The following DOCK5 variants were observed in gnomAD, a reference collection of about 807,000 sequenced individuals.
DOCK5 encodes the protein dedicator of cytokinesis protein 5.
A neutral mutation model predicts 251.8 loss-of-function variants in DOCK5; 142 were observed. The observed-to-expected ratio is 0.56, with a 90% CI of 0.49 to 0.65. DOCK5 has a LOEUF of 0.65. DOCK5 is among the 30% of genes least tolerant of loss of function. The pLI, the probability that DOCK5 is intolerant of heterozygous loss-of-function variation, is 0.00. For missense variants in DOCK5, 2,111 were observed against 2,312.3 expected, an observed-to-expected ratio of 0.91 and a Z score of 1.79; for synonymous variants, 842 against 835.5, an observed-to-expected ratio of 1.01 and a Z score of -0.13.
chr8:25,328,172 C>T (rs537649931), intron 18 of DOCK5, among the ~76,000 whole-genome samples: 1 of 152,020 alleles, frequency 6.6e-6, no homozygotes, highest in East Asian at 1.9e-4. Context: ...ACACTGTATG[C>T]TTTATTTTGT....
intron 27 of DOCK5, among the ~76,000 whole-genome samples, chr8:25,354,418 C>T (rs1035423439): frequency 6.6e-6 from 1 of 152,110 alleles, no homozygotes; most frequent in Non-Finnish European, 1.5e-5. Flanking sequence ...TCCTGAGCTC[C>T]TTTTAGGAAT....
chr8:25,406,193 C>T (rs571483736), intron 48 of DOCK5, among the ~76,000 whole-genome samples: 6 of 152,172 alleles, frequency 3.9e-5, no homozygotes, highest in South Asian at 2.1e-4. Context: ...CTCCTGACCT[C>T]GTGATTCGCC....
At chr8:25,203,118 C>A (rs1029162765) in intron 1 of DOCK5, among the ~76,000 whole-genome samples, 1 of 152,166 alleles carries the variant, frequency 6.6e-6, no homozygotes, top group Non-Finnish European at 1.5e-5. Context: ...TCTTGGCCAG[C>A]CATTTCTGGT....
chr8:25,343,871 A>G (rs1329113820), intron 25 of DOCK5, among the ~76,000 whole-genome samples: 1 of 152,158 alleles, frequency 6.6e-6, no homozygotes, highest in Non-Finnish European at 1.5e-5. Context: ...AGCAGCATGA[A>G]CTTGGCTCAC....
At chr8:25,315,149 T>TTTTTTTTTTTTTTTTTTA in intron 13 of DOCK5, among the ~76,000 whole-genome samples, 1 of 140,292 alleles carries the variant, frequency 7.1e-6, no homozygotes, top group Non-Finnish European at 1.6e-5. Flanking sequence ...ATTCTTAATT[T>TTTTTTTTTTTTTTTTTTA]GCCCACCGGC....
At chr8:25,192,270 C>T (rs1229678194) in intron 1 of DOCK5, among the ~76,000 whole-genome samples, 1 of 152,098 alleles carries the variant, frequency 6.6e-6, no homozygotes, top group Non-Finnish European at 1.5e-5. Flanking sequence ...ACTTATAATC[C>T]TTTGGGTATA....
chr8:25,239,735 C>A (rs1417022488), intron 1 of DOCK5, among the ~76,000 whole-genome samples: 1 of 152,142 alleles, frequency 6.6e-6, no homozygotes, highest in Non-Finnish European at 1.5e-5. Context: ...GGGAATTACT[C>A]CTACTTCTGA....
At chr8:25,247,499 A>G (rs1296838353) in intron 2 of DOCK5, among the ~76,000 whole-genome samples, 1 of 152,092 alleles carries the variant, frequency 6.6e-6, no homozygotes, top group Non-Finnish European at 1.5e-5. Flanking sequence ...TGGGAGGCTA[A>G]GGTGGGAGGA....
chr8:25,380,491 GT>G (rs1469398987), intron 39 of DOCK5, 97 bp downstream of exon 39: 5 of 1,036,584 alleles, frequency 4.8e-6, no homozygotes, highest in Non-Finnish European at 7.1e-6. Context: ...GATGAATGGT[GT>G]TTTTTTACAA....
In DOCK5 at chr8:25,245,347, C is replaced by T. The variant is rs545571059; in HGVS notation, c.127+1590C>T. On this transcript the variant is annotated intron_variant, in intron 2 of 51. Coordinates refer to ENST00000276440, the MANE Select transcript of DOCK5 (RefSeq NM_024940.8). ...CTGGGATTACAGGTGTGAGTCACTG[C>T]GCCCGGCCTACAGCTCTTCCAGTCT... Among the ~76,000 whole-genome samples, 39 of 152,208 alleles carry T rather than the reference C, an allele frequency of 2.6e-4. No homozygotes were observed. In the East Asian group the frequency reaches 4.3e-3, roughly 17 times the overall value.
At chr8:25,258,123 G>A (rs1287280544) in intron 2 of DOCK5, among the ~76,000 whole-genome samples, 3 of 152,100 alleles carry the variant, frequency 2.0e-5, no homozygotes, top group Admixed American at 6.6e-5. Context: ...AGGGCTCTGT[G>A]AAGGCACAGA....
intron 37 of DOCK5, chr8:25,376,156 G>C: frequency 1.0e-6 from 1 of 982,536 alleles, no homozygotes; most frequent in Non-Finnish European, 1.2e-6. Context: ...AGTGAGGCTT[G>C]TTGACTGTGG....
chr8:25,201,860 A>T (rs929258676), intron 1 of DOCK5, among the ~76,000 whole-genome samples: 1 of 152,216 alleles, frequency 6.6e-6, no homozygotes, highest in East Asian at 1.9e-4. Flanking sequence ...CTTTGTTTGC[A>T]GAGTGGGGCT....
intron 1 of DOCK5, among the ~76,000 whole-genome samples, chr8:25,226,672 G>A (rs781124050): frequency 7.4e-5 from 11 of 149,540 alleles, no homozygotes; most frequent in Non-Finnish European, 1.3e-4. Context: ...TGCAAGCTCC[G>A]CCTCCTGGGT....
intron 25 of DOCK5, among the ~76,000 whole-genome samples, chr8:25,344,097 T>G (rs547480992): frequency 1.3e-5 from 2 of 152,326 alleles, no homozygotes; most frequent in South Asian, 4.1e-4. Context: ...CATGAGCCAC[T>G]GCACCTGGCC....
chr8:25,368,928 A>G (rs952734319), intron 33 of DOCK5, among the ~76,000 whole-genome samples: 3 of 152,244 alleles, frequency 2.0e-5, no homozygotes, highest in African/African-American at 7.2e-5. Context: ...TTTTTGCTAC[A>G]TGTCTTTCCT....
intron 2 of DOCK5, among the ~76,000 whole-genome samples, chr8:25,253,521 C>T (rs906085061): frequency 3.9e-5 from 6 of 151,962 alleles, no homozygotes; most frequent in Non-Finnish European, 8.8e-5. Context: ...TTTTTAAATG[C>T]GTTAGGTTAT....
At chr8:25,382,174 A>C (rs1272187986) in intron 39 of DOCK5, among the ~76,000 whole-genome samples, 1 of 152,002 alleles carries the variant, frequency 6.6e-6, no homozygotes, top group Non-Finnish European at 1.5e-5. Flanking sequence ...ATGGAGTCTC[A>C]CTATGTTGCC....
intron 41 of DOCK5, among the ~76,000 whole-genome samples, chr8:25,389,505 TTC>T (rs1801221315): frequency 6.6e-6 from 1 of 152,232 alleles, no homozygotes; most frequent in Non-Finnish European, 1.5e-5. Flanking sequence ...AATATATACT[TTC>T]TATTGTGAAT....
Sources: allele counts gnomAD v4.1 joint callset (sites outside exome capture counted in the v4.1 genomes callset), GRCh38; gene constraint gnomAD v4.1.1; transcripts MANE v1.5; gene names NCBI Gene and HGNC (gene_info 2026-07-23, HGNC 2026-07-21).